The following GARIN1A variants were observed in gnomAD, a reference collection of about 807,000 sequenced individuals.
GARIN1A encodes the protein Golgi-associated RAB2 interactor protein 1A.
chr7:128,692,118 T>C, the GARIN1A span, among the ~76,000 whole-genome samples: 1 of 152,198 alleles, frequency 6.6e-6, no homozygotes, highest in South Asian at 2.1e-4. Flanking sequence ...AGTCTTCCAA[T>C]AAATTCCCTT....
the GARIN1A span, among the ~76,000 whole-genome samples, chr7:128,682,779 G>A: frequency 1.3e-5 from 2 of 152,144 alleles, no homozygotes; most frequent in African/African-American, 4.8e-5. Flanking sequence ...GTTTCACCAT[G>A]TTGGCCAGGC....
At chr7:128,682,744 T>C in the GARIN1A span, among the ~76,000 whole-genome samples, 1 of 152,078 alleles carries the variant, frequency 6.6e-6, no homozygotes, top group Non-Finnish European at 1.5e-5. Context: ...GCCTGGCTAA[T>C]TTTTGTATTT....
At chr7:128,675,965 A>G in the GARIN1A span, 5 of 738,214 alleles carry the variant, frequency 6.8e-6, no homozygotes, top group Non-Finnish European at 1.1e-5. Context: ...TCTTTAGTGC[A>G]TAAACCCTGT....
the GARIN1A span, chr7:128,679,924 T>TG: frequency 1.7e-6 from 1 of 583,562 alleles, no homozygotes. Context: ...AGGGTTAGGG[T>TG]GTGAAACTCA....
At chr7:128,672,212 CA>C in the GARIN1A span, 5 of 530,294 alleles carry the variant, frequency 9.4e-6, no homozygotes, top group Admixed American at 1.7e-4. Flanking sequence ...TTGTCACCAT[CA>C]CATTCCTTGA....
chr7:128,698,475 G>A, the GARIN1A span, among the ~76,000 whole-genome samples: 1 of 152,016 alleles, frequency 6.6e-6, no homozygotes, highest in Non-Finnish European at 1.5e-5. Context: ...ATGCCACCCC[G>A]ACTCCAGCTA....
At chr7:128,675,782 G>A in the GARIN1A span, 1 of 1,613,890 alleles carries the variant, frequency 6.2e-7, no homozygotes, top group Non-Finnish European at 8.5e-7. Flanking sequence ...TCCTCCTGAT[G>A]GCCAATGTTA....
At chr7:128,681,359 C>G in the GARIN1A span, among the ~76,000 whole-genome samples, 1 of 152,132 alleles carries the variant, frequency 6.6e-6, no homozygotes, top group Non-Finnish European at 1.5e-5. Context: ...TTTAAAGCTA[C>G]CTTTTTTCTC....
At chr7:128,682,027 A>C in the GARIN1A span, among the ~76,000 whole-genome samples, 2 of 151,888 alleles carry the variant, frequency 1.3e-5, no homozygotes, top group African/African-American at 4.8e-5. Context: ...CATACAGTCC[A>C]CATCTGGTCC....
the GARIN1A span, among the ~76,000 whole-genome samples, chr7:128,696,687 G>T: frequency 6.6e-6 from 1 of 152,124 alleles, no homozygotes; most frequent in Non-Finnish European, 1.5e-5. Context: ...AAGGATTCTA[G>T]GTCAATGAGT....
At chr7:128,680,568 T>C in the GARIN1A span, among the ~76,000 whole-genome samples, 29 of 115,924 alleles carry the variant, frequency 2.5e-4, no homozygotes, top group East Asian at 4.1e-3. Context: ...TTCTTTCTTT[T>C]TATTTTTTTT....
At chr7:128,700,151 G>A in the GARIN1A span, among the ~76,000 whole-genome samples, 2 of 152,040 alleles carry the variant, frequency 1.3e-5, no homozygotes, top group Non-Finnish European at 2.9e-5. Flanking sequence ...GAGTGCAGTG[G>A]TGCATCATAG....
At chr7:128,676,227 G>C in the GARIN1A span, among the ~76,000 whole-genome samples, 2,981 of 151,940 alleles carry the variant, frequency 0.02, 44 homozygotes, top group South Asian at 0.051. Flanking sequence ...AGCCAGGATG[G>C]TCTCGATCTC....
At chr7:128,701,461 G>C in the GARIN1A span, among the ~76,000 whole-genome samples, 1 of 137,048 alleles carries the variant, frequency 7.3e-6, no homozygotes. Context: ...GAAGGGAAGG[G>C]AAGGGAAGGG....
At chr7:128,688,957 C>T in the GARIN1A span, among the ~76,000 whole-genome samples, 2 of 151,146 alleles carry the variant, frequency 1.3e-5, no homozygotes, top group Non-Finnish European at 3.0e-5. Context: ...CGCGCCACCA[C>T]GCCTGACTGG....
At chr7:128,677,881 G>A in the GARIN1A span, 934 of 961,456 alleles carry the variant, frequency 9.7e-4, 6 homozygotes, top group Admixed American at 4.5e-3. Context: ...AAGTGTCTGT[G>A]TATATATATA....
chr7:128,677,485 C>A, the GARIN1A span: 5 of 1,371,192 alleles, frequency 3.6e-6, no homozygotes, highest in African/African-American at 8.6e-5. Context: ...CTAGCCTCGG[C>A]GGCAGCGAGA....
chr7:128,693,057 G>A, the GARIN1A span, among the ~76,000 whole-genome samples: 4 of 152,212 alleles, frequency 2.6e-5, no homozygotes, highest in African/African-American at 7.2e-5. Flanking sequence ...AAGAGAAGGC[G>A]GTTCTGGATT....
chr7:128,677,601 G>A, the GARIN1A span: 10 of 1,610,482 alleles, frequency 6.2e-6, no homozygotes, highest in African/African-American at 4.0e-5. Flanking sequence ...ACGAATCTAC[G>A]ACCGGCTCCA....
Sources: allele counts gnomAD v4.1 joint callset (sites outside exome capture counted in the v4.1 genomes callset), GRCh38; gene constraint gnomAD v4.1.1; transcripts MANE v1.5; gene names NCBI Gene and HGNC (gene_info 2026-07-23, HGNC 2026-07-21).